The following FRMPD4 variants were observed in gnomAD, a reference collection of about 807,000 sequenced individuals.
FRMPD4 encodes the protein FERM and PDZ domain-containing protein 4.
In FRMPD4, 22 loss-of-function variants were observed where a neutral mutation model predicts 94.1. The observed-to-expected ratio is 0.23, with a 90% CI of 0.17 to 0.33. The LOEUF (loss-of-function observed/expected upper bound fraction) is 0.33. Ranked by LOEUF, FRMPD4 falls within the 10% of genes least tolerant of loss-of-function variation. The pLI is 1.00. For missense variants in FRMPD4, 1,111 were observed against 1,339.9 expected (o/e 0.83, Z 2.67); for synonymous variants, 631 against 548.6 (o/e 1.15, Z -2.10).
chrX:12,354,445 A>C (rs1375422397), intron 1 of FRMPD4, among the ~76,000 whole-genome samples: 2 of 112,127 alleles, frequency 1.8e-5, no homozygotes, highest in African/African-American at 6.5e-5. Context: ...CAGACCTCAG[A>C]GGCAACCTAC....
chrX:12,587,904 A>G (rs1216961667), intron 2 of FRMPD4, among the ~76,000 whole-genome samples: 1 of 112,377 alleles, frequency 8.9e-6, no homozygotes, highest in Non-Finnish European at 1.9e-5. Context: ...TTTAAAAACC[A>G]TTCTGGCCTG....
At chrX:12,506,486 A>C (rs1459446650) in intron 2 of FRMPD4, among the ~76,000 whole-genome samples, 1 of 111,034 alleles carries the variant, frequency 9.0e-6, no homozygotes, top group Non-Finnish European at 1.9e-5. Flanking sequence ...ATGGGGTTTC[A>C]CCATGTTGGC....
intron 2 of FRMPD4, among the ~76,000 whole-genome samples, chrX:11,877,045 A>G (rs1032950618): frequency 8.9e-6 from 1 of 111,963 alleles, no homozygotes; most frequent in African/African-American, 3.2e-5. Flanking sequence ...GTCAAGGTTG[A>G]GAGACCCTGG....
At chrX:12,597,610 CATAA>C (rs1414747184) in intron 2 of FRMPD4, among the ~76,000 whole-genome samples, 1 of 112,453 alleles carries the variant, frequency 8.9e-6, no homozygotes, top group East Asian at 2.8e-4. Flanking sequence ...TATTCTGATT[CATAA>C]ATAACATTAA....
At chrX:12,624,721 C>T (rs988998995) in intron 4 of FRMPD4, among the ~76,000 whole-genome samples, 2 of 110,952 alleles carry the variant, frequency 1.8e-5, no homozygotes, top group East Asian at 2.8e-4. Context: ...TAATAGGAAT[C>T]GCAGAAGGAG....
intron 1 of FRMPD4, among the ~76,000 whole-genome samples, chrX:12,432,464 A>G (rs1304020722): frequency 2.7e-5 from 3 of 112,140 alleles, no homozygotes; most frequent in Admixed American, 9.4e-5. Flanking sequence ...AAAGGTGTCA[A>G]CCAGAGCCAC....
intron 1 of FRMPD4, among the ~76,000 whole-genome samples, chrX:12,471,402 A>C (rs1354147616): frequency 8.9e-6 from 1 of 112,245 alleles, no homozygotes; most frequent in African/African-American, 3.2e-5. Flanking sequence ...AAATACCTGA[A>C]GTGAAACTGA....
At chrX:12,071,350 G>A (rs1189572538) in intron 3 of FRMPD4, among the ~76,000 whole-genome samples, 6 of 110,940 alleles carry the variant, frequency 5.4e-5, no homozygotes, top group South Asian at 3.8e-4. Flanking sequence ...ACATATCAGC[G>A]GAAATGGTCT....
At chrX:12,283,521 T>C (rs1444228542) in intron 1 of FRMPD4, among the ~76,000 whole-genome samples, 1 of 112,471 alleles carries the variant, frequency 8.9e-6, no homozygotes, top group Non-Finnish European at 1.9e-5. Flanking sequence ...CTAACTATCA[T>C]TTTCTCTAAC....
chrX:12,333,765 A>G (rs746304443), intron 1 of FRMPD4, among the ~76,000 whole-genome samples: 29 of 111,869 alleles, frequency 2.6e-4, no homozygotes, highest in African/African-American at 9.1e-4. Flanking sequence ...TGATTGGGGA[A>G]TCTTTCTGAC....
intron 3 of FRMPD4, among the ~76,000 whole-genome samples, chrX:11,924,101 A>T (rs779112997): frequency 7.1e-5 from 8 of 112,369 alleles, no homozygotes; most frequent in Non-Finnish European, 1.5e-4. Context: ...AATCTGAGAG[A>T]GCTGAAAAAC....
chrX:12,413,050 G>T (rs1398011269), intron 1 of FRMPD4, among the ~76,000 whole-genome samples: 1 of 110,617 alleles, frequency 9.0e-6, no homozygotes, highest in Admixed American at 9.5e-5. Context: ...TGCAGCCCTG[G>T]CCACATTTCT....
chrX:11,929,769 T>G (rs1411589216), intron 3 of FRMPD4, among the ~76,000 whole-genome samples: 2 of 110,892 alleles, frequency 1.8e-5, no homozygotes, highest in Non-Finnish European at 3.8e-5. Flanking sequence ...TGAAAGATGT[T>G]GGGAAGTCTG....
At chrX:12,269,607 C>T (rs983774281) in intron 1 of FRMPD4, among the ~76,000 whole-genome samples, 1 of 112,006 alleles carries the variant, frequency 8.9e-6, no homozygotes, top group African/African-American at 3.3e-5. Context: ...CATGCTTGTC[C>T]CCAGTGGACA....
intron 1 of FRMPD4, among the ~76,000 whole-genome samples, chrX:12,231,401 T>C (rs935199473): frequency 3.6e-5 from 4 of 109,602 alleles, no homozygotes; most frequent in Non-Finnish European, 7.6e-5. Context: ...ACACATGGCT[T>C]GGCTAGTCCC....
At chrX:12,479,941 G>T (rs1482933491) in intron 1 of FRMPD4, among the ~76,000 whole-genome samples, 5 of 110,207 alleles carry the variant, frequency 4.5e-5, no homozygotes, top group Admixed American at 2.9e-4. Context: ...AATCTCCTTG[G>T]GAGATTAAGG....
At chrX:12,340,481 G>C (rs941500663) in intron 1 of FRMPD4, among the ~76,000 whole-genome samples, 6 of 111,116 alleles carry the variant, frequency 5.4e-5, no homozygotes, top group African/African-American at 2.0e-4. Flanking sequence ...TTGTCCTTTA[G>C]TAGGCCAACT....
chrX:12,045,096 T>C (rs887502016), intron 3 of FRMPD4, among the ~76,000 whole-genome samples: 1 of 112,293 alleles, frequency 8.9e-6, no homozygotes, highest in African/African-American at 3.2e-5. Context: ...TTGGAAATTA[T>C]ATAAAATTCA....
chrX:12,345,121 G>A (rs866224997), intron 1 of FRMPD4, among the ~76,000 whole-genome samples: 1 of 94,880 alleles, frequency 1.1e-5, no homozygotes, highest in East Asian at 3.0e-4. Flanking sequence ...TGAACAGACA[G>A]ACAAATGAAA....
Sources: gnomAD v4.1 joint callset for allele counts (sites outside exome capture counted in the v4.1 genomes callset) on GRCh38, gnomAD v4.1.1 for gene constraint, MANE v1.5 for transcripts, NCBI Gene and HGNC (gene_info 2026-07-23, HGNC 2026-07-21) for gene names.